The following FRMD3 variants were observed in gnomAD, a reference collection of about 807,000 sequenced individuals.
FRMD3 encodes the protein FERM domain-containing protein 3.
Under a neutral mutation model 70.2 loss-of-function variants are expected in FRMD3, and 33 were observed. That is an observed-to-expected ratio of 0.47 (90% CI 0.36 to 0.63). The LOEUF is 0.63. FRMD3 is among the 20% of genes least tolerant of loss of function. The pLI is 0.00. For synonymous variants in FRMD3, 279 were observed against 255.9 expected (o/e 1.09, Z -0.86); for missense variants, 632 against 711.4 (o/e 0.89, Z 1.27).
intron 1 of FRMD3, among the ~76,000 whole-genome samples, chr9:83,514,959 G>T (rs1460969043): frequency 1.3e-5 from 2 of 152,102 alleles, no homozygotes. Flanking sequence ...TCCATCCAAA[G>T]GTCACCAAAA....
intron 2 of FRMD3, among the ~76,000 whole-genome samples, chr9:83,383,412 T>C (rs971687659): frequency 6.6e-6 from 1 of 152,268 alleles, no homozygotes; most frequent in Non-Finnish European, 1.5e-5. Context: ...CAACTACTAC[T>C]GAACCTTGAA....
intron 9 of FRMD3, among the ~76,000 whole-genome samples, chr9:83,309,959 C>T (rs886292504): frequency 1.3e-5 from 2 of 152,168 alleles, no homozygotes; most frequent in Non-Finnish European, 1.5e-5. Context: ...AGTACTTGGG[C>T]TGAAAACTCA....
At chr9:83,350,994 C>A (rs997495339) in intron 3 of FRMD3, 3 of 969,612 alleles carry the variant, frequency 3.1e-6, no homozygotes, top group South Asian at 4.8e-5. Flanking sequence ...ATTGGACATA[C>A]CACTCATTTG....
rs779043791 is a variant in FRMD3, at chr9:83,389,589, G to A, written c.252+15C>T. 19 of 1,578,812 alleles carry A rather than the reference G, an allele frequency of 1.2e-5. No homozygotes were observed. Among genetic ancestry groups the A allele is most frequent in the Non-Finnish European group, 1.7e-5 (19 of 1,147,968 alleles). On this transcript the variant is annotated intron_variant, in intron 2 of 13. Transcript: ENST00000304195. ...CACTCCCTGAAAATGGCTCCAGATA[G>A]AAATCAGCTCTTACCCTTTGCTTCT...
intron 3 of FRMD3, among the ~76,000 whole-genome samples, chr9:83,352,134 T>C (rs1327032921): frequency 6.6e-6 from 1 of 152,218 alleles, no homozygotes; most frequent in African/African-American, 2.4e-5. Flanking sequence ...TTTCACACTT[T>C]TGCAATTCAA....
intron 1 of FRMD3, among the ~76,000 whole-genome samples, chr9:83,451,571 A>G (rs1257478537): frequency 2.0e-5 from 3 of 152,242 alleles, no homozygotes; most frequent in African/African-American, 7.2e-5. Flanking sequence ...GGATGCTGGC[A>G]TGAATTTTTC....
At position 83,309,543 on chromosome 9, in the gene FRMD3, A is replaced by G; in HGVS notation, c.919T>C (p.Phe307Leu). 1 of 1,581,792 alleles carries G rather than the reference A, an allele frequency of 6.3e-7. No homozygotes were observed. Among genetic ancestry groups the G allele is most frequent in the Non-Finnish European group, 8.6e-7 (1 of 1,162,980 alleles). ...LWKCGVENQA[F>L]YKYAKSSQIK... ...TGAATAAAAGCCACTTACTTATAAA[A>G]GGCCTGGTTTTCCACTCCACACTTC... The change falls in exon 10 of 14, where the codon TTT becomes CTT. Residue 307 changes from phenylalanine (F) to leucine (L), a missense_variant. Physicochemically the swap from Phe to Leu is conservative, Grantham distance 22 (BLOSUM62 0). This residue lies in a region of FRMD3 where 418 missense variants were observed against 442.1 expected (regional missense o/e 0.95). Transcript: ENST00000304195.
intron 13 of FRMD3, among the ~76,000 whole-genome samples, chr9:83,263,363 G>A (rs1429996980): frequency 6.6e-6 from 1 of 152,164 alleles, no homozygotes; most frequent in Non-Finnish European, 1.5e-5. Flanking sequence ...TATCTTCACA[G>A]TCAGTCATTA....
At chr9:83,581,247 G>C in the FRMD3 span, among the ~76,000 whole-genome samples, 1 of 152,092 alleles carries the variant, frequency 6.6e-6, no homozygotes, top group Non-Finnish European at 1.5e-5. Context: ...TGTATACCAA[G>C]TATATAAAGA....
chr9:83,521,254 T>C (rs1829565835), intron 1 of FRMD3, among the ~76,000 whole-genome samples: 1 of 152,126 alleles, frequency 6.6e-6, no homozygotes, highest in South Asian at 2.1e-4. Flanking sequence ...CACAGAAATT[T>C]AAAACCTTAA....
chr9:83,386,328 G>A (rs1230540982), intron 2 of FRMD3, among the ~76,000 whole-genome samples: 2 of 152,196 alleles, frequency 1.3e-5, no homozygotes, highest in East Asian at 3.9e-4. Context: ...GTATAATGCA[G>A]AGAGAAGTAT....
chr9:83,576,562 G>A, the FRMD3 span, among the ~76,000 whole-genome samples: 1 of 151,922 alleles, frequency 6.6e-6, no homozygotes, highest in South Asian at 2.1e-4. Flanking sequence ...TACTACCCAC[G>A]AGTTATTTTT....
intron 13 of FRMD3, among the ~76,000 whole-genome samples, chr9:83,256,320 G>C (rs1330581739): frequency 2.0e-5 from 3 of 152,128 alleles, no homozygotes; most frequent in Non-Finnish European, 4.4e-5. Flanking sequence ...CTAGACATAT[G>C]CAGAAAATTG....
chr9:83,500,512 A>G lies in FRMD3; in HGVS notation c.147+37573T>C, dbSNP rs1014987240. Among the ~76,000 whole-genome samples, 8 of 151,236 alleles carry G rather than the reference A, an allele frequency of 5.3e-5. No individual in the cohort carries two copies. The East Asian group carries it at 1.2e-3, about 22-fold the overall frequency. ...TTGGCGTGTATGCGCGCACACACAC[A>G]CACACACACACACACACACACACAC... On this transcript the variant is annotated intron_variant, in intron 1 of 13. Coordinates refer to ENST00000304195, the MANE Select transcript of FRMD3 (RefSeq NM_174938.6).
intron 2 of FRMD3, among the ~76,000 whole-genome samples, chr9:83,377,804 T>C (rs1295604735): frequency 2.6e-5 from 4 of 152,110 alleles, no homozygotes; most frequent in Admixed American, 6.6e-5. Context: ...CTCAGGTATT[T>C]CTTCATAGCA....
chr9:83,532,904 G>A (rs1159111214), intron 1 of FRMD3, among the ~76,000 whole-genome samples: 1 of 152,184 alleles, frequency 6.6e-6, no homozygotes, highest in Non-Finnish European at 1.5e-5. Flanking sequence ...AATTACTGCA[G>A]CCACCTCATA....
intron 13 of FRMD3, among the ~76,000 whole-genome samples, chr9:83,272,937 C>T (rs373103523): frequency 0.052 from 6,662 of 128,712 alleles, 299 homozygotes; most frequent in African/African-American, 0.088. Flanking sequence ...GGAGCCCCTC[C>T]GCCCGGCAGC....
At chr9:83,316,043 A>G (rs1835552941) in intron 6 of FRMD3, among the ~76,000 whole-genome samples, 1 of 152,150 alleles carries the variant, frequency 6.6e-6, no homozygotes, top group South Asian at 2.1e-4. Flanking sequence ...TCTGATCCAA[A>G]GATGATATTT....
At chr9:83,292,806 C>A (rs2118987008) in intron 12 of FRMD3, among the ~76,000 whole-genome samples, 1 of 152,292 alleles carries the variant, frequency 6.6e-6, no homozygotes, top group East Asian at 1.9e-4. Flanking sequence ...TGCCACCATG[C>A]CCAGCTAATT....
Sources: gnomAD v4.1 joint callset for allele counts (sites outside exome capture counted in the v4.1 genomes callset) on GRCh38, gnomAD v4.1.1 for gene constraint, gnomAD v4.1.1 regional missense constraint, MANE v1.5 for transcripts, NCBI Gene and HGNC (gene_info 2026-07-23, HGNC 2026-07-21) for gene names.